The following NYAP2 variants were observed in gnomAD, a reference collection of about 807,000 sequenced individuals.
The protein encoded by NYAP2 is neuronal tyrosine-phosphorylated phosphoinositide-3-kinase adaptor 2, also known as neuronal tyrosine-phosphorylated phosphoinositide-3-kinase adapter 2.
A neutral mutation model predicts 50.4 loss-of-function variants in NYAP2; 23 were observed. That is an observed-to-expected ratio of 0.46 (90% CI 0.33 to 0.65). The LOEUF (loss-of-function observed/expected upper bound fraction) is 0.65, where lower values mean the gene tolerates loss of function less well. Ranked by LOEUF, NYAP2 falls within the 30% of genes least tolerant of loss-of-function variation. The pLI, the probability that NYAP2 is intolerant of heterozygous loss-of-function variation, is 0.02. For missense variants in NYAP2, 885 were observed against 861.0 expected, an observed-to-expected ratio of 1.03 and a Z score of -0.35; for synonymous variants, 394 against 365.2, an observed-to-expected ratio of 1.08 and a Z score of -0.90.
chr2:225,407,947 T>C (rs902317678), intron 2 of NYAP2, among the ~76,000 whole-genome samples: 2 of 151,994 alleles, frequency 1.3e-5, no homozygotes, highest in Non-Finnish European at 2.9e-5. Flanking sequence ...CTAATAGTAT[T>C]ATATACTTAC....
chr2:225,512,321 T>TA (rs1366801627), intron 3 of NYAP2, among the ~76,000 whole-genome samples: 1 of 152,268 alleles, frequency 6.6e-6, no homozygotes, highest in Non-Finnish European at 1.5e-5. Flanking sequence ...AAACGATATT[T>TA]AAGCTGCACT....
At chr2:225,618,934 G>A (rs986111975) in intron 5 of NYAP2, among the ~76,000 whole-genome samples, 1 of 152,176 alleles carries the variant, frequency 6.6e-6, no homozygotes, top group African/African-American at 2.4e-5. Context: ...GGAAAAGTGT[G>A]GAAAAGTATT....
intron 3 of NYAP2, among the ~76,000 whole-genome samples, chr2:225,511,917 C>T (rs990615080): frequency 6.6e-6 from 1 of 152,150 alleles, no homozygotes; most frequent in Non-Finnish European, 1.5e-5. Flanking sequence ...ACTCAGCAAG[C>T]TTCCAAACTT....
chr2:225,413,589 A>T (rs1215060804), intron 3 of NYAP2, among the ~76,000 whole-genome samples: 1 of 152,172 alleles, frequency 6.6e-6, no homozygotes, highest in Non-Finnish European at 1.5e-5. Context: ...CTTAATTAAA[A>T]AAATGTGTTT....
At chr2:225,445,583 C>A (rs1689539469) in intron 3 of NYAP2, among the ~76,000 whole-genome samples, 1 of 151,578 alleles carries the variant, frequency 6.6e-6, no homozygotes, top group Admixed American at 6.6e-5. Context: ...AAACTAAATT[C>A]TAATGTGAAT....
At chr2:225,517,083 A>C (rs1690949243) in intron 4 of NYAP2, among the ~76,000 whole-genome samples, 1 of 152,304 alleles carries the variant, frequency 6.6e-6, no homozygotes, top group South Asian at 2.1e-4. Flanking sequence ...AAAAAATCAC[A>C]TACCAAAAAA....
intron 4 of NYAP2, among the ~76,000 whole-genome samples, chr2:225,531,487 G>A (rs1408229199): frequency 6.6e-6 from 1 of 152,156 alleles, no homozygotes; most frequent in Non-Finnish European, 1.5e-5. Context: ...ATCCCAATGA[G>A]ACTATACCTT....
intron 4 of NYAP2, among the ~76,000 whole-genome samples, chr2:225,561,821 C>G (rs1018613960): frequency 4.0e-5 from 6 of 151,896 alleles, no homozygotes; most frequent in African/African-American, 1.5e-4. Flanking sequence ...TTATATGTAT[C>G]ATGTTATGTT....
chr2:225,546,673 C>T (rs1691590634), intron 4 of NYAP2, among the ~76,000 whole-genome samples: 1 of 152,070 alleles, frequency 6.6e-6, no homozygotes, highest in Non-Finnish European at 1.5e-5. Flanking sequence ...TCACTTGGTA[C>T]TCTGCCCAAC....
rs114827147 is a variant in NYAP2 at position 225,595,283 on chromosome 2, A to G, written c.1618+12248A>G. The stretch of plus-strand genomic sequence containing the variant: ...GTTGTCCAACGTTAGATCCAACCAT[A>G]GTGCTATGGGTGGATAATTCTAATG... On this transcript the variant is annotated intron_variant, in intron 5 of 6. Coordinates refer to ENST00000636099, the Ensembl canonical transcript of NYAP2. 1.8e-3 allele frequency among the ~76,000 whole-genome samples: 267 copies of G among 152,320 alleles called. 1 individual carries two copies. Among genetic ancestry groups the G allele is most frequent in the African/African-American group, 6.0e-3 (249 of 41,572 alleles).
chr2:225,490,013 G>T (rs1464478888), intron 3 of NYAP2, among the ~76,000 whole-genome samples: 1 of 152,198 alleles, frequency 6.6e-6, no homozygotes, highest in Non-Finnish European at 1.5e-5. Context: ...AACTGTGAAA[G>T]GTTCTTAGAT....
chr2:225,668,111 T>A, the NYAP2 span, among the ~76,000 whole-genome samples: 26 of 152,274 alleles, frequency 1.7e-4, no homozygotes, highest in African/African-American at 6.3e-4. Context: ...GTTTTCAGTT[T>A]CTTTCTTTGT....
At chr2:225,633,227 C>A (rs1268635583) in intron 6 of NYAP2, among the ~76,000 whole-genome samples, 1 of 152,186 alleles carries the variant, frequency 6.6e-6, no homozygotes, top group Non-Finnish European at 1.5e-5. Context: ...AAAGTGGTAT[C>A]ATACCCACAC....
chr2:225,680,319 T>A, the NYAP2 span, among the ~76,000 whole-genome samples: 33 of 152,182 alleles, frequency 2.2e-4, no homozygotes, highest in African/African-American at 7.7e-4. Flanking sequence ...TATAAGAGGA[T>A]ACCAATAAAG....
At chr2:225,578,745 T>C (rs973606938) in intron 4 of NYAP2, among the ~76,000 whole-genome samples, 1 of 152,170 alleles carries the variant, frequency 6.6e-6, no homozygotes, top group Non-Finnish European at 1.5e-5. Flanking sequence ...ACAAAGTTAG[T>C]TAATGTTTTC....
the NYAP2 span, among the ~76,000 whole-genome samples, chr2:225,673,304 T>G: frequency 6.6e-6 from 1 of 152,096 alleles, no homozygotes; most frequent in Admixed American, 6.6e-5. Flanking sequence ...GAGATCTGGT[T>G]TGAGCCAAAC....
At position 225,408,742 on chromosome 2, in the gene NYAP2, A is replaced by G. The variant is rs1694980008; in HGVS notation, c.-17-122A>G. 22 of 583,778 alleles carry G rather than the reference A, an allele frequency of 3.8e-5. No homozygotes were observed. In the South Asian group the frequency reaches 4.7e-4, roughly 12 times the overall value. 36.2% of individuals were successfully genotyped at this position (583,778 alleles called of 1,614,324 possible). A position where few individuals can be genotyped will look rare whatever the true frequency, so the allele number is the denominator to read the frequency against. ...TATTGTGGTTGTAATTATTCTAGTG[A>G]GATATTTTCTCCAATCGGATTTGGC... On this transcript the variant is annotated intron_variant, in intron 2 of 6. Transcript: ENST00000636099.
At chr2:225,530,182 G>T (rs947836632) in intron 4 of NYAP2, among the ~76,000 whole-genome samples, 8 of 152,236 alleles carry the variant, frequency 5.3e-5, no homozygotes, top group East Asian at 3.9e-4. Context: ...GTAATGGAAA[G>T]AAATCTTTCT....
chr2:225,511,684 T>C (rs1040469606), intron 3 of NYAP2, among the ~76,000 whole-genome samples: 6 of 152,220 alleles, frequency 3.9e-5, no homozygotes, highest in African/African-American at 1.4e-4. Flanking sequence ...TAAATTCTTC[T>C]TGTCTGTATC....
Sources: allele counts gnomAD v4.1 joint callset (sites outside exome capture counted in the v4.1 genomes callset), GRCh38; gene constraint gnomAD v4.1.1; transcripts MANE v1.5; gene names NCBI Gene and HGNC (gene_info 2026-07-23, HGNC 2026-07-21).